Variants in TMEM38B observed in about 807,000 individuals in gnomAD.
The protein encoded by TMEM38B is trimeric intracellular cation channel type B.
In TMEM38B, 24 loss-of-function variants were observed where a neutral mutation model predicts 28.7. That is an observed-to-expected ratio of 0.84 (90% CI 0.61 to 1.18). The LOEUF (loss-of-function observed/expected upper bound fraction) is 1.18, where lower values mean the gene tolerates loss of function less well. Ranked by LOEUF, TMEM38B falls within the 50% of genes most tolerant of loss-of-function variation. TMEM38B has a pLI of 0.00. For synonymous variants in TMEM38B, 131 were observed against 127.7 expected (o/e 1.03, Z -0.17); for missense variants, 380 against 350.9 (o/e 1.08, Z -0.66).
chr9:105,742,909 A>G (rs916723343), intron 4 of TMEM38B, among the ~76,000 whole-genome samples: 28 of 152,220 alleles, frequency 1.8e-4, no homozygotes, highest in African/African-American at 6.8e-4. Flanking sequence ...ATTGATAACC[A>G]TAATTTGGGA....
At chr9:105,758,807 G>GA in intron 5 of TMEM38B, 1 of 891,418 alleles carries the variant, frequency 1.1e-6, no homozygotes, top group Non-Finnish European at 1.9e-6. Context: ...AAAATTCCGA[G>GA]AAAATAAAGC....
intron 4 of TMEM38B, among the ~76,000 whole-genome samples, chr9:105,745,019 G>A (rs963590506): frequency 6.6e-6 from 1 of 152,152 alleles, no homozygotes; most frequent in Non-Finnish European, 1.5e-5. Context: ...CCAAGTCTTT[G>A]CTATTGTGAA....
intron 5 of TMEM38B, among the ~76,000 whole-genome samples, chr9:105,748,679 G>T (rs547569451): frequency 1.1e-4 from 17 of 152,236 alleles, no homozygotes; most frequent in African/African-American, 3.6e-4. Context: ...TCCCAGTTTT[G>T]CTGCCTAGTC....
intron 5 of TMEM38B, among the ~76,000 whole-genome samples, chr9:105,769,475 C>T (rs1241999096): frequency 6.6e-6 from 1 of 152,080 alleles, no homozygotes; most frequent in Non-Finnish European, 1.5e-5. Flanking sequence ...GCCACCATGC[C>T]TGGCTAATTT....
In TMEM38B at chr9:105,712,991, C is replaced by T. The variant is rs1835960432; in HGVS notation, c.269+7238C>T. ...GCCCAGGCCCAGTGAGGACCTGGAG[C>T]CCCCACCCTAGGCTGTGAGGGGACT... On this transcript the variant is annotated intron_variant, in intron 2 of 5. Transcript: ENST00000374692. Among the ~76,000 whole-genome samples, 7 of 152,342 alleles carry T rather than the reference C, an allele frequency of 4.6e-5. No individual in the cohort carries two copies. The South Asian group carries it at 1.4e-3, about 32-fold the overall frequency.
intron 2 of TMEM38B, among the ~76,000 whole-genome samples, chr9:105,720,640 TGA>T (rs1836281064): frequency 6.6e-6 from 1 of 152,146 alleles, no homozygotes; most frequent in Admixed American, 6.5e-5. Context: ...TGAAGAATTC[TGA>T]CTTTATAAAT....
Position 105,775,008 on chromosome 9 carries a change from A to T in TMEM38B, c.*928A>T, listed in dbSNP as rs1000238612. The stretch of plus-strand genomic sequence containing the variant: ...ACTGTAATTATTCAACAAAAAGCAT[A>T]TCCGTTCAAAAATTTTTCCACTATG... On this transcript the variant is annotated 3_prime_UTR_variant, in exon 6 of 6. Coordinates refer to ENST00000374692, the MANE Select transcript of TMEM38B (RefSeq NM_018112.3). The T allele has an allele frequency of 1.3e-5, 2 of 152,120 alleles. No homozygotes were observed. The highest frequency in any genetic ancestry group is 4.8e-5 in the African/African-American group (2 of 41,456). 9.4% of individuals were successfully genotyped at this position (152,120 alleles called of 1,614,324 possible).
At chr9:105,702,432 G>A (rs1384980575) in intron 1 of TMEM38B, among the ~76,000 whole-genome samples, 1 of 151,968 alleles carries the variant, frequency 6.6e-6, no homozygotes, top group Non-Finnish European at 1.5e-5. Flanking sequence ...TTAAAAACAG[G>A]GACACACTCT....
At chr9:105,750,639 A>AC (rs1837614549) in intron 5 of TMEM38B, among the ~76,000 whole-genome samples, 1 of 151,786 alleles carries the variant, frequency 6.6e-6, no homozygotes, top group Admixed American at 6.6e-5. Context: ...AAAAACACAC[A>AC]TTTTTTTTAT....
intron 2 of TMEM38B, among the ~76,000 whole-genome samples, chr9:105,713,051 C>T (rs1216089218): frequency 6.6e-6 from 1 of 152,234 alleles, no homozygotes. Flanking sequence ...GCAGAGGGAG[C>T]TGGGGACATG....
chr9:105,714,828 A>G (rs1836034340), intron 2 of TMEM38B, among the ~76,000 whole-genome samples: 1 of 152,176 alleles, frequency 6.6e-6, no homozygotes, highest in African/African-American at 2.4e-5. Flanking sequence ...TTGGTGAGCA[A>G]TGGCATTTCA....
chr9:105,747,670 G>A (rs918297932), intron 4 of TMEM38B, among the ~76,000 whole-genome samples: 1 of 152,050 alleles, frequency 6.6e-6, no homozygotes, highest in Non-Finnish European at 1.5e-5. Flanking sequence ...TGTGATGTTA[G>A]GGTGTCAATT....
chr9:105,760,044 A>G, intron 5 of TMEM38B: 1 of 1,263,144 alleles, frequency 7.9e-7, no homozygotes, highest in South Asian at 1.3e-5. Flanking sequence ...AAAATTCTTT[A>G]CTTCCAGCTT....
At chr9:105,736,537 C>T (rs1836987699) in intron 4 of TMEM38B, among the ~76,000 whole-genome samples, 1 of 152,090 alleles carries the variant, frequency 6.6e-6, no homozygotes. Context: ...TATCTGTATT[C>T]TCTTGTGTCT....
intron 4 of TMEM38B, among the ~76,000 whole-genome samples, chr9:105,744,511 C>A (rs1837316171): frequency 6.6e-6 from 1 of 151,846 alleles, no homozygotes; most frequent in South Asian, 2.1e-4. Flanking sequence ...CTTTTACTTT[C>A]CATCTAGTCC....
intron 2 of TMEM38B, among the ~76,000 whole-genome samples, chr9:105,718,784 C>T (rs981136215): frequency 6.6e-6 from 1 of 151,826 alleles, no homozygotes; most frequent in Non-Finnish European, 1.5e-5. Context: ...ATTTTTGTTT[C>T]CTATATATTT....
chr9:105,700,083 T>C (rs1276124084), intron 1 of TMEM38B, among the ~76,000 whole-genome samples: 1 of 152,238 alleles, frequency 6.6e-6, no homozygotes, highest in Non-Finnish European at 1.5e-5. Flanking sequence ...GTAATTTCTA[T>C]TACACACAAA....
chr9:105,741,554 T>C (rs891310223), intron 4 of TMEM38B, among the ~76,000 whole-genome samples: 1 of 152,196 alleles, frequency 6.6e-6, no homozygotes, highest in Non-Finnish European at 1.5e-5. Flanking sequence ...TATTGGGAAC[T>C]GGAGAAAGGT....
intron 5 of TMEM38B, among the ~76,000 whole-genome samples, chr9:105,755,285 C>G (rs1837796713): frequency 6.6e-6 from 1 of 152,022 alleles, no homozygotes; most frequent in Admixed American, 6.6e-5. Context: ...CTAACACACA[C>G]TAGGGCCTGT....
Sources: gnomAD v4.1 joint callset for allele counts (sites outside exome capture counted in the v4.1 genomes callset) on GRCh38, gnomAD v4.1.1 for gene constraint, MANE v1.5 for transcripts, NCBI Gene and HGNC (gene_info 2026-07-23, HGNC 2026-07-21) for gene names.